ZNF469: variants seen among roughly 807,000 people sequenced by gnomAD.
ZNF469 encodes the protein zinc finger protein 469.
ZNF469 carries 1 observed loss-of-function variant against 1.0 expected under a neutral mutation model. That is an observed-to-expected ratio of 1.00 (90% CI 0.35 to 4.73). The LOEUF (loss-of-function observed/expected upper bound fraction) is 4.73. ZNF469 is among the 30% of genes most tolerant of loss of function. The pLI is 0.16. For missense variants in ZNF469, 6,100 were observed against 5,356.3 expected (o/e 1.14, Z -4.33); for synonymous variants, 2,703 against 2,363.4 (o/e 1.14, Z -4.17).
chr16:88,383,474 C>T (rs1265610677), intron 1 of ZNF469, among the ~76,000 whole-genome samples: 1 of 148,692 alleles, frequency 6.7e-6, no homozygotes, highest in Non-Finnish European at 1.5e-5. Flanking sequence ...TGCGGGGCAG[C>T]GAGCGCCGGG....
At chr16:88,413,209 T>C (rs970825416) in intron 1 of ZNF469, among the ~76,000 whole-genome samples, 1 of 152,214 alleles carries the variant, frequency 6.6e-6, no homozygotes, top group Non-Finnish European at 1.5e-5. Flanking sequence ...TGCCATCCCG[T>C]GTGCACGAGA....
At chr16:88,117,023 C>T in the ZNF469 span, among the ~76,000 whole-genome samples, 3 of 152,070 alleles carry the variant, frequency 2.0e-5, no homozygotes, top group South Asian at 2.1e-4. Flanking sequence ...GAATCTGAAC[C>T]GGCCCTGTGG....
In ZNF469 at chr16:88,435,728, G is replaced by C; in HGVS notation, c.8258G>C (p.Arg2753Thr). The change falls in exon 3 of 3, where the codon AGG becomes ACG. Residue 2753 changes from arginine (R) to threonine (T), a missense_variant. By Grantham distance (71) the Arg-to-Thr change is moderately conservative. Transcript: ENST00000565624. The part of the protein sequence containing the change: ...QPTGQKGASA[R>T]GFWGPRETKA... ...ACTGGGCAGAAGGGAGCCTCGGCAA[G>C]GGGGTTCTGGGGACCAAGAGAGACC... is the stretch of plus-strand genomic sequence containing the variant. 1 of 1,550,868 alleles carries C rather than the reference G, an allele frequency of 6.4e-7. No individual in the cohort carries two copies. Among genetic ancestry groups the C allele is most frequent in the South Asian group, 1.2e-5 (1 of 84,068 alleles).
the ZNF469 span, among the ~76,000 whole-genome samples, chr16:88,186,167 A>G: frequency 1.3e-4 from 20 of 152,144 alleles, no homozygotes; most frequent in African/African-American, 4.6e-4. Context: ...GGGCGTCCAC[A>G]AGGTGGGTGT....
chr16:88,311,170 C>G, the ZNF469 span, among the ~76,000 whole-genome samples: 1 of 152,204 alleles, frequency 6.6e-6, no homozygotes, highest in African/African-American at 2.4e-5. Flanking sequence ...CGATGAATCA[C>G]TGGGAGGAAG....
the ZNF469 span, among the ~76,000 whole-genome samples, chr16:88,268,063 C>T: frequency 6.6e-6 from 1 of 152,134 alleles, no homozygotes; most frequent in Non-Finnish European, 1.5e-5. Context: ...CGCTTTTCCC[C>T]TCTTCATGGA....
the ZNF469 span, among the ~76,000 whole-genome samples, chr16:88,301,533 G>A: frequency 6.6e-6 from 1 of 152,222 alleles, no homozygotes; most frequent in African/African-American, 2.4e-5. Context: ...AGAGGCAGAC[G>A]CTCACCCGAA....
the ZNF469 span, among the ~76,000 whole-genome samples, chr16:88,128,611 C>A: frequency 3.3e-3 from 502 of 152,306 alleles, 3 homozygotes; most frequent in African/African-American, 0.012. Flanking sequence ...GACAAGAGAC[C>A]CCCTCCCGCA....
the ZNF469 span, among the ~76,000 whole-genome samples, chr16:88,222,434 G>T: frequency 6.6e-6 from 1 of 152,180 alleles, no homozygotes; most frequent in Non-Finnish European, 1.5e-5. Flanking sequence ...GACTACAAGT[G>T]CATGCCATCA....
At chr16:88,195,283 G>A in the ZNF469 span, 1 of 152,264 alleles carries the variant, frequency 6.6e-6, no homozygotes. Context: ...AAAAGCAGGA[G>A]GCGGCCCAGG....
chr16:88,383,843 C>G (rs2092531482), intron 1 of ZNF469, among the ~76,000 whole-genome samples: 1 of 152,142 alleles, frequency 6.6e-6, no homozygotes, highest in Non-Finnish European at 1.5e-5. Flanking sequence ...CGCACCCCCG[C>G]CCAGCCCCGC....
At chr16:88,280,718 G>T in the ZNF469 span, among the ~76,000 whole-genome samples, 1 of 151,098 alleles carries the variant, frequency 6.6e-6, no homozygotes, top group South Asian at 2.1e-4. Context: ...ACCGATGCTT[G>T]GTCAGTACCA....
At chr16:88,360,863 A>T in the ZNF469 span, among the ~76,000 whole-genome samples, 2 of 152,176 alleles carry the variant, frequency 1.3e-5, no homozygotes, top group South Asian at 2.1e-4. Context: ...GTGATTCCCA[A>T]CCTTTTTAGC....
chr16:88,335,570 G>A, the ZNF469 span, among the ~76,000 whole-genome samples: 1 of 152,224 alleles, frequency 6.6e-6, no homozygotes, highest in Admixed American at 6.5e-5. Flanking sequence ...TGATGACCCA[G>A]CCACAGGGCC....
At chr16:88,197,123 C>T in the ZNF469 span, among the ~76,000 whole-genome samples, 29 of 152,294 alleles carry the variant, frequency 1.9e-4, no homozygotes, top group African/African-American at 5.8e-4. Context: ...ACTTCATCAC[C>T]GAGGCCATCA....
the ZNF469 span, among the ~76,000 whole-genome samples, chr16:88,286,453 C>T: frequency 3.0e-4 from 45 of 152,250 alleles, no homozygotes; most frequent in Admixed American, 4.6e-4. Context: ...ATCTGAACGC[C>T]GGGTATTTAC....
chr16:88,286,900 C>T, the ZNF469 span, among the ~76,000 whole-genome samples: 8 of 152,274 alleles, frequency 5.3e-5, no homozygotes, highest in African/African-American at 1.7e-4. Context: ...CTGGGGAACT[C>T]GCTCAGGAGA....
chr16:88,310,908 C>T, the ZNF469 span, among the ~76,000 whole-genome samples: 2 of 152,186 alleles, frequency 1.3e-5, no homozygotes, highest in Admixed American at 6.5e-5. Context: ...ACATCTCACC[C>T]TCTCACGGTG....
the ZNF469 span, among the ~76,000 whole-genome samples, chr16:88,190,937 C>G: frequency 6.6e-6 from 1 of 152,188 alleles, no homozygotes; most frequent in Admixed American, 6.5e-5. Context: ...GACCTTAGGA[C>G]CTCTGACCTC....
Sources: gnomAD v4.1 joint callset for allele counts (sites outside exome capture counted in the v4.1 genomes callset) on GRCh38, gnomAD v4.1.1 for gene constraint, MANE v1.5 for transcripts, NCBI Gene and HGNC (gene_info 2026-07-23, HGNC 2026-07-21) for gene names.